IGF2BP2: variants seen among roughly 807,000 people sequenced by gnomAD.
IGF2BP2 encodes insulin like growth factor 2 mRNA binding protein 2, also known as insulin-like growth factor 2 mRNA-binding protein 2.
In IGF2BP2, 17 loss-of-function variants were observed where a neutral mutation model predicts 75.8. The observed-to-expected ratio is 0.22, with a 90% CI of 0.15 to 0.34. The LOEUF (loss-of-function observed/expected upper bound fraction) is 0.34, where lower values mean the gene tolerates loss of function less well. IGF2BP2 is among the 10% of genes least tolerant of loss of function. The pLI, the probability that IGF2BP2 is intolerant of heterozygous loss-of-function variation, is 1.00. For missense variants in IGF2BP2, 516 were observed against 772.4 expected (o/e 0.67, Z 3.93); for synonymous variants, 288 against 295.6 (o/e 0.97, Z 0.26).
intron 1 of IGF2BP2, 108 bp from the exon 2 acceptor site, chr3:185,823,321 C>T (rs1267859133): frequency 4.0e-6 from 3 of 748,502 alleles, no homozygotes; most frequent in Non-Finnish European, 6.4e-6. Context: ...TTCGGGCGCC[C>T]CCAAGGGGTC....
intron 7 of IGF2BP2, among the ~76,000 whole-genome samples, chr3:185,680,814 A>G (rs1304432949): frequency 1.5e-5 from 1 of 65,500 alleles, no homozygotes; most frequent in Non-Finnish European, 2.8e-5. Flanking sequence ...AATACAATAA[A>G]TCACATTAAC....
intron 2 of IGF2BP2, among the ~76,000 whole-genome samples, chr3:185,726,832 T>C (rs1179021358): frequency 6.6e-6 from 1 of 152,016 alleles, no homozygotes; most frequent in East Asian, 1.9e-4. Flanking sequence ...GCTGTGAAAA[T>C]AGATACATTA....
At chr3:185,747,674 G>A (rs568759053) in intron 2 of IGF2BP2, among the ~76,000 whole-genome samples, 7 of 151,972 alleles carry the variant, frequency 4.6e-5, no homozygotes, top group Admixed American at 6.6e-5. Flanking sequence ...GCAAGAGTCC[G>A]TCTCAAAAAT....
At chr3:185,740,165 A>G (rs1396174160) in intron 2 of IGF2BP2, among the ~76,000 whole-genome samples, 4 of 152,082 alleles carry the variant, frequency 2.6e-5, no homozygotes, top group African/African-American at 9.7e-5. Flanking sequence ...TTCCTTCTCA[A>G]TTGTTGAAAA....
At chr3:185,786,516 T>A (rs1735909602) in intron 2 of IGF2BP2, among the ~76,000 whole-genome samples, 1 of 151,900 alleles carries the variant, frequency 6.6e-6, no homozygotes. Context: ...GCTCAGAAGC[T>A]CCCCCACTGA....
intron 2 of IGF2BP2, chr3:185,724,348 T>C (rs888657009): frequency 6.6e-6 from 1 of 152,220 alleles, no homozygotes; most frequent in African/African-American, 2.4e-5. Flanking sequence ...ACTAGACAAG[T>C]GGGGAGGTCA....
chr3:185,772,356 G>C (rs1733991570), intron 2 of IGF2BP2, among the ~76,000 whole-genome samples: 1 of 152,026 alleles, frequency 6.6e-6, no homozygotes, highest in Admixed American at 6.6e-5. Context: ...TGTAGAGCTT[G>C]GTCTTTACCA....
At chr3:185,671,589 A>G (rs1560263926) in intron 10 of IGF2BP2, among the ~76,000 whole-genome samples, 1 of 152,030 alleles carries the variant, frequency 6.6e-6, no homozygotes, top group African/African-American at 2.4e-5. Context: ...AGCCATATAT[A>G]AGCAAGAATG....
chr3:185,665,320 AAGGAGG>A (rs773580962), intron 10 of IGF2BP2, among the ~76,000 whole-genome samples: 6,529 of 49,542 alleles, frequency 0.13, 315 homozygotes, highest in African/African-American at 0.2. Context: ...GCAGAAGGAG[AAGGAGG>A]AGGAGGAGGA....
intron 10 of IGF2BP2, among the ~76,000 whole-genome samples, chr3:185,670,533 C>G (rs1718350502): frequency 6.6e-6 from 1 of 152,144 alleles, no homozygotes; most frequent in South Asian, 2.1e-4. Context: ...CAGGTTGTAG[C>G]ATGCTGACTC....
At chr3:185,701,101 A>C (rs1001301734) in intron 2 of IGF2BP2, among the ~76,000 whole-genome samples, 1 of 152,070 alleles carries the variant, frequency 6.6e-6, no homozygotes, top group African/African-American at 2.4e-5. Flanking sequence ...TTTTTAAATT[A>C]TTAAATTTTT....
chr3:185,773,655 T>C (rs1388512004), intron 2 of IGF2BP2, among the ~76,000 whole-genome samples: 1 of 152,136 alleles, frequency 6.6e-6, no homozygotes, highest in South Asian at 2.1e-4. Context: ...ACATGATCAG[T>C]TGCTCATAGA....
chr3:185,715,918 T>C (rs944799178), intron 2 of IGF2BP2, among the ~76,000 whole-genome samples: 1 of 152,200 alleles, frequency 6.6e-6, no homozygotes, highest in African/African-American at 2.4e-5. Flanking sequence ...AGTGCTGGGA[T>C]TATAGCTGTG....
intron 7 of IGF2BP2, among the ~76,000 whole-genome samples, chr3:185,676,472 T>C (rs963581729): frequency 3.3e-5 from 5 of 151,496 alleles, no homozygotes; most frequent in African/African-American, 1.2e-4. Context: ...AGCCCGAGAG[T>C]TCAAGACCAG....
At chr3:185,720,511 T>G (rs1726366926) in intron 2 of IGF2BP2, among the ~76,000 whole-genome samples, 1 of 152,036 alleles carries the variant, frequency 6.6e-6, no homozygotes, top group African/African-American at 2.4e-5. Context: ...AAACGGAAAT[T>G]GGAAAGGATG....
chr3:185,734,662 T>C (rs1728622234), intron 2 of IGF2BP2, among the ~76,000 whole-genome samples: 5 of 152,172 alleles, frequency 3.3e-5, no homozygotes, highest in African/African-American at 9.7e-5. Context: ...AAGGCAGCAG[T>C]AACGTGGAAA....
Position 185,647,196 on chromosome 3 carries a change from G to T in IGF2BP2, c.1594-58C>A. The stretch of plus-strand genomic sequence containing the variant: ...GGTTCCCTCCCCGTCAACGTGGTGG[G>T]CTCAGGACGGAGTGAGGGGCCAAGA... On this transcript the variant is annotated intron_variant, in intron 14 of 15. Transcript: ENST00000382199. The surrounding 1 kb of genome is among the most constrained non-coding windows in gnomAD (Gnocchi z 4.9). 2.4e-6 allele frequency: 3 copies of T among 1,245,770 alleles called. No individual in the cohort carries two copies. Among genetic ancestry groups the T allele is most frequent in the Non-Finnish European group, 2.4e-6 (2 of 844,666 alleles). 77.2% of individuals were successfully genotyped at this position (1,245,770 alleles called of 1,614,324 possible).
Position 185,649,433 on chromosome 3 carries a change from A to T in IGF2BP2, c.1563T>A (p.Ala521=). Residue 521 remains alanine (A), a synonymous_variant, in exon 14 of 16, where the codon GCT becomes GCA. Coordinates refer to ENST00000382199, the MANE Select transcript of IGF2BP2 (RefSeq NM_006548.6). ...TGCCACCTTTGCCAATCACCCGGCC[A>T]GCTGTGGAAGAGGGCACTCTGATAT... is the stretch of plus-strand genomic sequence containing the variant. ...EAHIRVPSST[A]GRVIGKGGKT... is the part of the protein sequence containing the mutation. 6.2e-7 allele frequency: 1 copy of T among 1,613,916 alleles called. No individual in the cohort carries two copies. Among genetic ancestry groups the T allele is most frequent in the Non-Finnish European group, 8.5e-7 (1 of 1,179,998 alleles).
chr3:185,644,126 C>A lies in IGF2BP2; in HGVS notation c.*1405G>T, dbSNP rs1214515041. The stretch of plus-strand genomic sequence containing the variant: ...TTGATATCTTATTTTTTTTCCAACT[C>A]ATTTTTATTAAAAAAATAAAAAAAT... On this transcript the variant is annotated 3_prime_UTR_variant, in exon 16 of 16. Coordinates refer to ENST00000382199, the MANE Select transcript of IGF2BP2 (RefSeq NM_006548.6). The A allele has an allele frequency of 6.6e-6, 1 of 152,288 alleles. No homozygotes were observed. The allele number at this position is 152,288 out of a possible 1,614,324, so 9.4% of individuals were successfully genotyped here. A position where few individuals can be genotyped will look rare whatever the true frequency, so the allele number is the denominator to read the frequency against.
Sources: allele counts gnomAD v4.1 joint callset (sites outside exome capture counted in the v4.1 genomes callset), GRCh38; gene constraint gnomAD v4.1.1; non-coding constraint Gnocchi (gnomAD v3.1); transcripts MANE v1.5; gene names NCBI Gene and HGNC (gene_info 2026-07-23, HGNC 2026-07-21).